Variants in DOCK5 observed in about 807,000 individuals in gnomAD.
The protein encoded by DOCK5 is dedicator of cytokinesis protein 5.
In DOCK5, 142 loss-of-function variants were observed where a neutral mutation model predicts 251.8. The observed-to-expected ratio is 0.56, with a 90% confidence interval of 0.49 to 0.65. The LOEUF (loss-of-function observed/expected upper bound fraction) is 0.65. Ranked by LOEUF, DOCK5 falls within the 30% of genes least tolerant of loss-of-function variation. DOCK5 has a pLI of 0.00. For synonymous variants in DOCK5, 842 were observed against 835.5 expected (o/e 1.01, Z -0.13); for missense variants, 2,111 against 2,312.3 (o/e 0.91, Z 1.79).
chr8:25,251,492 G>T (rs2117562230), intron 2 of DOCK5, among the ~76,000 whole-genome samples: 1 of 152,202 alleles, frequency 6.6e-6, no homozygotes, highest in South Asian at 2.1e-4. Flanking sequence ...GTTTTTGAAT[G>T]CACTTTAATC....
At chr8:25,248,676 G>A (rs889969772) in intron 2 of DOCK5, among the ~76,000 whole-genome samples, 3 of 152,152 alleles carry the variant, frequency 2.0e-5, no homozygotes, top group African/African-American at 7.2e-5. Context: ...TTCCTGCCGT[G>A]TGGTTGGCTG....
At chr8:25,387,114 C>G (rs1334137210) in intron 40 of DOCK5, among the ~76,000 whole-genome samples, 2 of 152,112 alleles carry the variant, frequency 1.3e-5, no homozygotes, top group African/African-American at 4.8e-5. Flanking sequence ...CTCCTTCCAA[C>G]CCAATGAGAT....
intron 1 of DOCK5, among the ~76,000 whole-genome samples, chr8:25,190,933 G>A (rs946300158): frequency 4.6e-5 from 7 of 151,804 alleles, no homozygotes; most frequent in African/African-American, 1.5e-4. Flanking sequence ...ACAGGCGCCC[G>A]CCACTGCGCC....
intron 13 of DOCK5, among the ~76,000 whole-genome samples, chr8:25,313,503 C>T (rs1176401918): frequency 6.6e-6 from 1 of 152,232 alleles, no homozygotes; most frequent in Non-Finnish European, 1.5e-5. Flanking sequence ...TTGCCACCTT[C>T]TCATATTCTG....
chr8:25,268,929 T>G, intron 3 of DOCK5, 44 bp downstream of exon 3: 1 of 1,492,086 alleles, frequency 6.7e-7, no homozygotes, highest in Non-Finnish European at 9.1e-7. Flanking sequence ...GAAATCTGTC[T>G]GCTAGTTTTG....
At chr8:25,259,823 T>C (rs1397397404) in intron 2 of DOCK5, among the ~76,000 whole-genome samples, 1 of 152,238 alleles carries the variant, frequency 6.6e-6, no homozygotes, top group Non-Finnish European at 1.5e-5. Context: ...AATATCTGGC[T>C]ATCTCAAATC....
At chr8:25,278,191 T>G (rs1294640480) in intron 4 of DOCK5, among the ~76,000 whole-genome samples, 1 of 152,124 alleles carries the variant, frequency 6.6e-6, no homozygotes, top group Non-Finnish European at 1.5e-5. Context: ...CACACACCTT[T>G]CCATCCAGCC....
chr8:25,197,567 G>GAGTT (rs201593458), intron 1 of DOCK5, among the ~76,000 whole-genome samples: 1 of 118,072 alleles, frequency 8.5e-6, no homozygotes, highest in Admixed American at 9.9e-5. Flanking sequence ...TAAGGATCGT[G>GAGTT]TCTTTGTCTT....
intron 1 of DOCK5, among the ~76,000 whole-genome samples, chr8:25,222,822 C>T (rs1802429740): frequency 6.6e-6 from 1 of 152,174 alleles, no homozygotes; most frequent in Admixed American, 6.5e-5. Flanking sequence ...AAGCAGATTC[C>T]CATCATCCAG....
At chr8:25,311,147 G>A (rs935170534) in intron 13 of DOCK5, among the ~76,000 whole-genome samples, 2 of 152,114 alleles carry the variant, frequency 1.3e-5, no homozygotes, top group African/African-American at 4.8e-5. Flanking sequence ...TGCTGACTTC[G>A]CCCATTTAAT....
intron 2 of DOCK5, among the ~76,000 whole-genome samples, chr8:25,264,374 A>G (rs1028360096): frequency 5.3e-5 from 8 of 150,980 alleles, no homozygotes; most frequent in Admixed American, 3.3e-4. Flanking sequence ...TGCCACAAGA[A>G]AAAAACAACA....
intron 13 of DOCK5, among the ~76,000 whole-genome samples, chr8:25,314,108 CTTTTTT>C: frequency 8.7e-6 from 1 of 115,246 alleles, no homozygotes; most frequent in Non-Finnish European, 1.7e-5. Context: ...GGACTCCCCT[CTTTTTT>C]TTTTTTTTTT....
intron 1 of DOCK5, among the ~76,000 whole-genome samples, chr8:25,216,157 A>C (rs142833115): frequency 0.015 from 2,249 of 147,694 alleles, 87 homozygotes; most frequent in African/African-American, 0.05. Context: ...TACAATATGT[A>C]TATATGTATA....
At position 25,332,710 on chromosome 8, in the gene DOCK5, T is replaced by C; in HGVS notation, c.2091+18T>C. Reference sequence around the variant, plus strand: ...ACGCACTGGTAAGCAGTTAAACATATTAACTAGTGTTTATTGTTGCAACTT... The same window carrying C: ...ACGCACTGGTAAGCAGTTAAACATACTAACTAGTGTTTATTGTTGCAACTT... On this transcript the variant is annotated intron_variant, in intron 20 of 51. Coordinates refer to ENST00000276440, the MANE Select transcript of DOCK5 (RefSeq NM_024940.8). The C allele has an allele frequency of 1.9e-6, 3 of 1,574,542 alleles. No individual in the cohort carries two copies. The highest frequency in any genetic ancestry group is 2.6e-6 in the Non-Finnish European group (3 of 1,155,094).
At chr8:25,303,552 A>G (rs1295480830) in intron 10 of DOCK5, among the ~76,000 whole-genome samples, 2 of 152,196 alleles carry the variant, frequency 1.3e-5, no homozygotes, top group Non-Finnish European at 2.9e-5. Flanking sequence ...TGGGCCTTAC[A>G]TTGACATTTT....
chr8:25,269,665 T>C (rs1317383011), intron 3 of DOCK5, among the ~76,000 whole-genome samples: 1 of 151,534 alleles, frequency 6.6e-6, no homozygotes, highest in Non-Finnish European at 1.5e-5. Context: ...CCTCAGTTTC[T>C]TTTAGGTCTT....
chr8:25,359,538 G>C (rs1466186474), intron 28 of DOCK5, among the ~76,000 whole-genome samples: 1 of 152,240 alleles, frequency 6.6e-6, no homozygotes, highest in Non-Finnish European at 1.5e-5. Context: ...AGCAGGACAT[G>C]AGCAGCAGGC....
At chr8:25,326,113 G>C (rs1381129184) in intron 18 of DOCK5, among the ~76,000 whole-genome samples, 1 of 152,080 alleles carries the variant, frequency 6.6e-6, no homozygotes, top group African/African-American at 2.4e-5. Context: ...AACCTCTCTT[G>C]TGTAGATTAT....
intron 12 of DOCK5, among the ~76,000 whole-genome samples, chr8:25,309,841 AAGAC>A (rs1257483047): frequency 3.9e-5 from 6 of 152,076 alleles, no homozygotes; most frequent in African/African-American, 7.2e-5. Context: ...AAAAGAAAGA[AAGAC>A]AGAAAAATGG....
Sources: gnomAD v4.1 joint callset for allele counts (sites outside exome capture counted in the v4.1 genomes callset) on GRCh38, gnomAD v4.1.1 for gene constraint, MANE v1.5 for transcripts, NCBI Gene and HGNC (gene_info 2026-07-23, HGNC 2026-07-21) for gene names.